Variants in RDX observed in about 807,000 individuals in gnomAD.
RDX encodes radixin.
In RDX, 32 loss-of-function variants were observed where a neutral mutation model predicts 83.7. That is an observed-to-expected ratio of 0.38 (90% CI 0.29 to 0.51). The LOEUF is 0.51. RDX is among the 20% of genes least tolerant of loss of function. The pLI is 0.87. For missense variants in RDX, 600 were observed against 689.9 expected, an observed-to-expected ratio of 0.87 and a Z score of 1.46; for synonymous variants, 229 against 222.7, an observed-to-expected ratio of 1.03 and a Z score of -0.25.
chr11:110,208,344 T>C (rs1385506206), intron 14 of RDX, among the ~76,000 whole-genome samples: 3 of 152,226 alleles, frequency 2.0e-5, no homozygotes, highest in Admixed American at 2.0e-4. Context: ...CTGTCTCAAA[T>C]GCTGCCTGAT....
At chr11:110,269,079 G>A (rs1226099477) in intron 3 of RDX, among the ~76,000 whole-genome samples, 1 of 151,774 alleles carries the variant, frequency 6.6e-6, no homozygotes, top group Non-Finnish European at 1.5e-5. Flanking sequence ...TCAGCCTCCT[G>A]AGTAGCTGGG....
At position 110,183,957 on chromosome 11, in the gene RDX, G is replaced by A. The variant is rs571482835; in HGVS notation, c.*32-8723C>T. ...TGTTGGGAGGGCTGTCCTGTGCATT[G>A]TAGGATGTTTTCCAGCATCCCAGGC... On this transcript the variant is annotated intron_variant, in intron 15 of 15. Coordinates refer to the RDX transcript ENST00000528498. Among the ~76,000 whole-genome samples, 4 of 152,346 alleles carry A rather than the reference G, an allele frequency of 2.6e-5. No homozygotes were observed. The South Asian group carries it at 8.3e-4, about 32-fold the overall frequency.
intron 14 of RDX, among the ~76,000 whole-genome samples, chr11:110,222,232 GCA>G (rs990592321): frequency 2.4e-4 from 37 of 152,142 alleles, no homozygotes; most frequent in African/African-American, 4.8e-4. Flanking sequence ...ATACTTACTC[GCA>G]CAGTCTTCCC....
At position 110,233,329 on chromosome 11, in the gene RDX, C is replaced by T; in HGVS notation, c.1495G>A (p.Glu499Lys). The T allele has an allele frequency of 6.2e-7, 1 of 1,614,130 alleles. No individual in the cohort carries two copies. The highest frequency in any genetic ancestry group is 8.5e-7 in the Non-Finnish European group (1 of 1,180,042). ...TTCATTACCCCTTCATTTGATAATT[C>T]AGCACTAGCTTCAGCATTATTCTCA... ...HDENNAEASAELSNEGVMNHR... is the reference protein window; with the variant it reads ...HDENNAEASAKLSNEGVMNHR... The change falls in exon 13 of 14, where the codon GAA becomes AAA. Residue 499 changes from glutamate to lysine, a missense_variant. Physicochemically the swap from Glu to Lys is moderately conservative, Grantham distance 56 (BLOSUM62 1). Coordinates refer to ENST00000645495, the MANE Select transcript of RDX (RefSeq NM_002906.4).
At chr11:110,285,202 C>G (rs1591185670) in intron 1 of RDX, among the ~76,000 whole-genome samples, 3 of 151,398 alleles carry the variant, frequency 2.0e-5, no homozygotes, top group African/African-American at 7.3e-5. Flanking sequence ...GTCTGGCCAA[C>G]ATAGTGAAAC....
Position 110,231,750 on chromosome 11 carries a change from C to A in RDX, c.*119G>T. 1 of 1,080,126 alleles carries A rather than the reference C, an allele frequency of 9.3e-7. No individual in the cohort carries two copies. Among genetic ancestry groups the A allele is most frequent in the Non-Finnish European group, 1.4e-6 (1 of 705,456 alleles). The allele number at this position is 1,080,126 out of a possible 1,614,324, so 66.9% of individuals were successfully genotyped here. A position where few individuals can be genotyped will look rare whatever the true frequency, so the allele number is the denominator to read the frequency against. On this transcript the variant is annotated 3_prime_UTR_variant, in exon 14 of 14. Coordinates refer to ENST00000645495, the MANE Select transcript of RDX (RefSeq NM_002906.4). ...CCTTAAATTTGTCTTTTAGCTAGCA[C>A]AGTCAAACTGGTGTAAGTGCTTTGG... is the stretch of plus-strand genomic sequence containing the variant.
intron 1 of RDX, among the ~76,000 whole-genome samples, chr11:110,290,645 T>C (rs557368565): frequency 2.0e-5 from 3 of 152,230 alleles, no homozygotes; most frequent in African/African-American, 7.2e-5. Context: ...ATATAATAAC[T>C]GTCCAAATGT....
chr11:110,289,089 T>C (rs565353463), intron 1 of RDX, among the ~76,000 whole-genome samples: 20 of 151,996 alleles, frequency 1.3e-4, no homozygotes, highest in African/African-American at 4.8e-4. Context: ...AAATAAAAAA[T>C]TAGCCGAGCG....
At chr11:110,228,089 T>C (rs191451906), downstream of RDX, among the ~76,000 whole-genome samples, 36 of 152,188 alleles carry the variant, frequency 2.4e-4, no homozygotes, top group Admixed American at 1.6e-3. Flanking sequence ...TTCTTATATC[T>C]TGATACATGG....
intron 3 of RDX, among the ~76,000 whole-genome samples, chr11:110,266,711 G>A (rs1259630549): frequency 1.3e-5 from 2 of 152,064 alleles, no homozygotes; most frequent in Admixed American, 6.6e-5. Flanking sequence ...GGGACTAGAG[G>A]CACATTCCAC....
chr11:110,194,975 T>TTTTTGTTTTGTTTTG (rs145277513), intron 15 of RDX, among the ~76,000 whole-genome samples: 14 of 151,012 alleles, frequency 9.3e-5, no homozygotes, highest in South Asian at 2.1e-4. Context: ...TTTTGGTTGT[T>TTTTTGTTTTGTTTTG]TTTTGTTTTG....
chr11:110,267,238 G>A (rs926868123), intron 3 of RDX, among the ~76,000 whole-genome samples: 1 of 152,114 alleles, frequency 6.6e-6, no homozygotes, highest in Non-Finnish European at 1.5e-5. Flanking sequence ...ACATTTGGCA[G>A]GGCAGGGTGG....
rs1212547271 is a variant in RDX at position 110,254,007 on chromosome 11, T to C, written c.898A>G (p.Ile300Val). ...LYMRRRKPDT[I>V]EVQQMKAQAR... ...TGAGCCTTCATCTGTTGTACTTCAA[T>C]AGTATCAGGCTTCCTTCTTCGCATG... Residue 300 changes from isoleucine (I) to valine (V), a missense_variant, in exon 9 of 14, where the codon ATT (isoleucine) becomes GTT (valine). Coordinates refer to ENST00000645495, the MANE Select transcript of RDX (RefSeq NM_002906.4). 4 of 1,613,680 alleles carry C rather than the reference T, an allele frequency of 2.5e-6. No individual in the cohort carries two copies. Among genetic ancestry groups the C allele is most frequent in the African/African-American group, 1.3e-5 (1 of 74,904 alleles).
chr11:110,264,363 G>C, intron 4 of RDX, 129 bp from the exon 5 acceptor site: 1 of 672,522 alleles, frequency 1.5e-6, no homozygotes, highest in Non-Finnish European at 2.5e-6. Context: ...ATTTTAGTGT[G>C]TAATAGTCTA....
chr11:110,276,879 T>C (rs1371252955), intron 2 of RDX, among the ~76,000 whole-genome samples: 2 of 152,234 alleles, frequency 1.3e-5, no homozygotes, highest in Admixed American at 6.5e-5. Context: ...CTATCACTTG[T>C]AGTGAATTAA....
At chr11:110,288,000 A>G (rs192992615) in intron 1 of RDX, among the ~76,000 whole-genome samples, 1 of 152,348 alleles carries the variant, frequency 6.6e-6, no homozygotes, top group East Asian at 1.9e-4. Flanking sequence ...CTCTATTGTT[A>G]GCAGGTCAAG....
At chr11:110,291,022 C>T (rs1199185116) in intron 1 of RDX, among the ~76,000 whole-genome samples, 6 of 151,940 alleles carry the variant, frequency 3.9e-5, no homozygotes, top group East Asian at 3.9e-4. Context: ...AAAAAAGGAC[C>T]GAAGACATGT....
intron 10 of RDX, among the ~76,000 whole-genome samples, chr11:110,240,354 G>C (rs1382740366): frequency 6.6e-6 from 1 of 152,108 alleles, no homozygotes; most frequent in Non-Finnish European, 1.5e-5. Context: ...TAAATAAACT[G>C]GTGGTTATCA....
intron 15 of RDX, among the ~76,000 whole-genome samples, chr11:110,194,933 C>T (rs748807000): frequency 6.6e-6 from 1 of 152,118 alleles, no homozygotes; most frequent in Non-Finnish European, 1.5e-5. Context: ...AATCACAGCA[C>T]AACATGCTCT....
Sources: allele counts gnomAD v4.1 joint callset (sites outside exome capture counted in the v4.1 genomes callset), GRCh38; gene constraint gnomAD v4.1.1; transcripts MANE v1.5; gene names NCBI Gene and HGNC (gene_info 2026-07-23, HGNC 2026-07-21).